Variants in DPY19L2 observed in about 807,000 individuals in gnomAD.
The protein encoded by DPY19L2 is probable C-mannosyltransferase DPY19L2.
Under a neutral mutation model 97.9 loss-of-function variants are expected in DPY19L2, and 34 were observed. The observed-to-expected ratio is 0.35, with a 90% CI of 0.26 to 0.46. The LOEUF (loss-of-function observed/expected upper bound fraction) is 0.46, where lower values mean the gene tolerates loss of function less well. DPY19L2 is among the 20% of genes least tolerant of loss of function. The probability of loss-of-function intolerance (pLI) is 1.00; values close to 1 mark genes in which losing one functional copy is unlikely to be tolerated. For missense variants in DPY19L2, 623 were observed against 911.4 expected (o/e 0.68, Z 4.07); for synonymous variants, 230 against 307.9 (o/e 0.75, Z 2.65).
intron 9 of DPY19L2, chr12:63,619,857 A>G (rs1888406601): frequency 2.4e-6 from 1 of 409,192 alleles, no homozygotes; most frequent in Non-Finnish European, 4.8e-6. Flanking sequence ...ATTTGCTTGC[A>G]ATGAAATGAT....
chr12:63,561,032 C>T (rs1876398931), intron 21 of DPY19L2, among the ~76,000 whole-genome samples: 1 of 152,120 alleles, frequency 6.6e-6, no homozygotes, highest in Admixed American at 6.6e-5. Flanking sequence ...AAAACCTAAT[C>T]GAATTCCTGA....
chr12:63,577,996 T>C (rs1880173228), intron 19 of DPY19L2, among the ~76,000 whole-genome samples: 1 of 152,166 alleles, frequency 6.6e-6, no homozygotes, highest in Non-Finnish European at 1.5e-5. Context: ...TGCACTCCCA[T>C]GTTTATTGCA....
At chr12:63,628,639 G>C (rs1890025331) in intron 6 of DPY19L2, among the ~76,000 whole-genome samples, 3 of 152,018 alleles carry the variant, frequency 2.0e-5, no homozygotes, top group Non-Finnish European at 4.4e-5. Context: ...CACCTCTGGG[G>C]GCAGGACGTT....
At chr12:63,573,494 A>G (rs1174191661) in intron 19 of DPY19L2, among the ~76,000 whole-genome samples, 1 of 152,114 alleles carries the variant, frequency 6.6e-6, no homozygotes, top group Non-Finnish European at 1.5e-5. Flanking sequence ...GGCCTTAAAG[A>G]GGAGGTAGAG....
rs1884500371 is a variant in DPY19L2 at position 63,597,820 on chromosome 12, T to C, written c.1450A>G (p.Met484Val). The change falls in exon 14 of 22, where the codon ATG becomes GTG. Residue 484 changes from methionine to valine, a missense_variant. By Grantham distance (21) the Met-to-Val change is conservative. Coordinates refer to ENST00000324472, the MANE Select transcript of DPY19L2 (RefSeq NM_173812.5). Reference protein sequence around the residue: ...IYTCAPEFDFMEKATPLRYTK... With the variant: ...IYTCAPEFDFVEKATPLRYTK... ...AGAAACATTCATACCGCTTTTTCCA[T>C]GAAGTCAAATTCGGGAGCACAGGTA... The C allele has an allele frequency of 6.2e-7, 1 of 1,608,334 alleles. No homozygotes were observed. The highest frequency in any genetic ancestry group is 1.7e-4 in the Middle Eastern group (1 of 5,760).
chr12:63,597,291 A>G (rs1044462067), intron 14 of DPY19L2, among the ~76,000 whole-genome samples: 1 of 152,142 alleles, frequency 6.6e-6, no homozygotes, highest in African/African-American at 2.4e-5. Context: ...TTAAAGCTTT[A>G]TAACATGAAG....
At chr12:63,607,736 G>A (rs1481106216) in intron 12 of DPY19L2, among the ~76,000 whole-genome samples, 1 of 152,042 alleles carries the variant, frequency 6.6e-6, no homozygotes, top group Non-Finnish European at 1.5e-5. Flanking sequence ...GGGCTCAAGC[G>A]ATCCTCCCAC....
intron 6 of DPY19L2, among the ~76,000 whole-genome samples, chr12:63,643,207 CTT>C (rs1454668695): frequency 6.6e-6 from 1 of 151,576 alleles, no homozygotes; most frequent in Non-Finnish European, 1.5e-5. Flanking sequence ...TTTAAGAACA[CTT>C]ATTTCTTTTT....
At chr12:63,618,793 T>C (rs1888237318) in intron 9 of DPY19L2, among the ~76,000 whole-genome samples, 1 of 152,122 alleles carries the variant, frequency 6.6e-6, no homozygotes, top group Non-Finnish European at 1.5e-5. Flanking sequence ...TCTCCAATTT[T>C]TCATGTATGA....
chr12:63,640,391 C>T (rs1892508238), intron 6 of DPY19L2, among the ~76,000 whole-genome samples: 1 of 152,052 alleles, frequency 6.6e-6, no homozygotes, highest in Admixed American at 6.6e-5. Flanking sequence ...TGAAGAAAAG[C>T]ATTCCAAGAT....
intron 12 of DPY19L2, among the ~76,000 whole-genome samples, chr12:63,603,687 T>C (rs7487106): frequency 0.19 from 29,138 of 152,122 alleles, 4,157 homozygotes; most frequent in African/African-American, 0.42. Context: ...CATGTCCCTG[T>C]CAAGGACATG....
chr12:63,666,028 G>A (rs1437175339), intron 1 of DPY19L2, among the ~76,000 whole-genome samples, 169 bp from the exon 2 acceptor site: 1 of 152,114 alleles, frequency 6.6e-6, no homozygotes, highest in Non-Finnish European at 1.5e-5. Flanking sequence ...AGGACACAAA[G>A]CAAATTCTGA....
intron 6 of DPY19L2, among the ~76,000 whole-genome samples, chr12:63,627,806 G>A (rs2137882744): frequency 6.6e-6 from 1 of 151,438 alleles, no homozygotes; most frequent in East Asian, 1.9e-4. Flanking sequence ...ATGAGGACAG[G>A]GACAGGTTCT....
chr12:63,630,759 T>C (rs1890468829), intron 6 of DPY19L2, among the ~76,000 whole-genome samples: 1 of 152,072 alleles, frequency 6.6e-6, no homozygotes, highest in Non-Finnish European at 1.5e-5. Flanking sequence ...ATCAACAGAA[T>C]ATACATTCTT....
rs1881675281 is a variant in DPY19L2 at position 63,585,658 on chromosome 12, AAAGT to A, written c.1581-1826_1581-1823del. On this transcript the variant is annotated intron_variant, in intron 16 of 21. Transcript: ENST00000324472. ...ATTATTATAATCACCAAGAACCCTGAAAGTAACTACTGATACTTTATTTAAATCA... is the reference window on the plus strand; with the variant it reads ...ATTATTATAATCACCAAGAACCCTGAAACTACTGATACTTTATTTAAATCA... Among the ~76,000 whole-genome samples, 5 of 152,264 alleles carry A rather than the reference AAAGT, an allele frequency of 3.3e-5. No homozygotes were observed. In the South Asian group the frequency reaches 1.0e-3, roughly 32 times the overall value.
chr12:63,668,486 A>G lies in DPY19L2; in HGVS notation c.-93T>C. 2 of 1,294,094 alleles carry G rather than the reference A, an allele frequency of 1.5e-6. No homozygotes were observed. The highest frequency in any genetic ancestry group is 2.1e-6 in the Non-Finnish European group (2 of 966,776). The allele number at this position is 1,294,094 out of a possible 1,614,324, so 80.2% of individuals were successfully genotyped here. ...GAGACCTGACTCGCCTGGCAGCCTCAACGGACTTGTCCCCGCAGCCGTTGC... is the reference window on the plus strand; with the variant it reads ...GAGACCTGACTCGCCTGGCAGCCTCGACGGACTTGTCCCCGCAGCCGTTGC... On this transcript the variant is annotated 5_prime_UTR_variant, in exon 1 of 22. Transcript: ENST00000324472.
intron 4 of DPY19L2, among the ~76,000 whole-genome samples, chr12:63,655,957 G>C (rs564195025): frequency 7.4e-4 from 112 of 152,228 alleles, no homozygotes; most frequent in Non-Finnish European, 1.4e-3. Flanking sequence ...CTTTACCATT[G>C]TGTCTAGTGG....
chr12:63,634,479 G>A (rs1210045495), intron 6 of DPY19L2, among the ~76,000 whole-genome samples: 3 of 152,146 alleles, frequency 2.0e-5, no homozygotes, highest in African/African-American at 7.2e-5. Flanking sequence ...GGAGCAGGGT[G>A]GGGCATCACC....
chr12:63,640,869 G>C (rs1350522377), intron 6 of DPY19L2, among the ~76,000 whole-genome samples: 1 of 151,998 alleles, frequency 6.6e-6, no homozygotes, highest in South Asian at 2.1e-4. Context: ...TTCAAAAATA[G>C]AACTTATTTA....
Sources: allele counts gnomAD v4.1 joint callset (sites outside exome capture counted in the v4.1 genomes callset), GRCh38; gene constraint gnomAD v4.1.1; transcripts MANE v1.5; gene names NCBI Gene and HGNC (gene_info 2026-07-23, HGNC 2026-07-21).